The following RGS22 variants were observed in gnomAD, a reference collection of about 807,000 sequenced individuals.
RGS22 encodes the protein regulator of G protein signaling 22, also known as regulator of G-protein signaling 22.
Under a neutral mutation model 172.9 loss-of-function variants are expected in RGS22, and 148 were observed. That is an observed-to-expected ratio of 0.86 (90% CI 0.75 to 0.98). The LOEUF (loss-of-function observed/expected upper bound fraction) is 0.98, where lower values mean the gene tolerates loss of function less well. RGS22 is among the 50% of genes least tolerant of loss of function. The pLI is 0.00. For synonymous variants in RGS22, 458 were observed against 480.2 expected, an observed-to-expected ratio of 0.95 and a Z score of 0.60; for missense variants, 1,347 against 1,440.8, an observed-to-expected ratio of 0.93 and a Z score of 1.05.
At chr8:100,075,821 T>TA (rs1811305210) in intron 4 of RGS22, among the ~76,000 whole-genome samples, 1 of 152,248 alleles carries the variant, frequency 6.6e-6, no homozygotes, top group Admixed American at 6.5e-5. Context: ...AAAGTAGCTG[T>TA]ACTGTCTTAC....
rs116276937 is a variant in RGS22 at position 100,007,544 on chromosome 8, A to G, written c.2361+831T>C. Among the ~76,000 whole-genome samples, 490 of 152,266 alleles carry G rather than the reference A, an allele frequency of 3.2e-3. 1 individual carries two copies. The highest frequency in any genetic ancestry group is 0.011 in the African/African-American group (464 of 41,554). On this transcript the variant is annotated intron_variant, in intron 15 of 27. Coordinates refer to ENST00000360863, the MANE Select transcript of RGS22 (RefSeq NM_015668.5). Reference sequence around the variant, plus strand: ...TCAGAGGATCTGCTTTCCACAATACATATGAAACGTTTATGTTTTCCATAG... The same window carrying G: ...TCAGAGGATCTGCTTTCCACAATACGTATGAAACGTTTATGTTTTCCATAG...
At chr8:100,064,492 A>T (rs1357489745) in intron 7 of RGS22, among the ~76,000 whole-genome samples, 1 of 145,498 alleles carries the variant, frequency 6.9e-6, no homozygotes, top group Non-Finnish European at 1.5e-5. Context: ...ACAAAAAAGA[A>T]AAAAAAGAAG....
chr8:99,964,328 C>T (rs1810503617), intron 24 of RGS22, among the ~76,000 whole-genome samples: 1 of 151,970 alleles, frequency 6.6e-6, no homozygotes, highest in African/African-American at 2.4e-5. Context: ...GTGGTGTGCG[C>T]CTGTAGTCCC....
At chr8:100,033,056 G>A (rs1248537832) in intron 14 of RGS22, among the ~76,000 whole-genome samples, 1 of 152,134 alleles carries the variant, frequency 6.6e-6, no homozygotes, top group Non-Finnish European at 1.5e-5. Context: ...ATGCCCACAA[G>A]AGAAAGCAGG....
At chr8:100,072,729 A>G (rs1305702413) in intron 4 of RGS22, among the ~76,000 whole-genome samples, 2 of 152,190 alleles carry the variant, frequency 1.3e-5, no homozygotes, top group Non-Finnish European at 2.9e-5. Context: ...GTTAACAATG[A>G]TAGTAGAGTG....
intron 6 of RGS22, among the ~76,000 whole-genome samples, chr8:100,070,382 C>T (rs550752609): frequency 1.3e-4 from 20 of 151,948 alleles, no homozygotes; most frequent in African/African-American, 4.6e-4. Flanking sequence ...AAAAATATAA[C>T]GAAAAAGCCT....
At chr8:100,080,016 C>T (rs943551432) in intron 4 of RGS22, 118 bp downstream of exon 4, 38 of 709,274 alleles carry the variant, frequency 5.4e-5, no homozygotes, top group Non-Finnish European at 8.1e-5. Context: ...ACTATGTGTA[C>T]GTACAACACA....
intron 23 of RGS22, 91 bp downstream of exon 23, chr8:99,977,815 ATAACTTCTCTC>A: frequency 2.1e-6 from 2 of 966,900 alleles, no homozygotes; most frequent in Non-Finnish European, 3.0e-6. Flanking sequence ...TCTGTATTCC[ATAACTTCTCTC>A]TATATATCCC....
In RGS22 at chr8:100,058,530, C is replaced by T. The variant is rs987986300; in HGVS notation, c.1514+4061G>A. 7.2e-5 allele frequency among the ~76,000 whole-genome samples: 11 copies of T among 152,016 alleles called. No individual in the cohort carries two copies. The East Asian group carries it at 7.7e-4, about 11-fold the overall frequency. On this transcript the variant is annotated intron_variant, in intron 9 of 27. Coordinates refer to ENST00000360863, the MANE Select transcript of RGS22 (RefSeq NM_015668.5). ...TTTTCAACAGAAACATTATAGGCCA[C>T]GAGAGAGTGGCATGACATATTAAAA...
chr8:100,078,481 T>C (rs1280432736), intron 4 of RGS22, among the ~76,000 whole-genome samples: 1 of 151,406 alleles, frequency 6.6e-6, no homozygotes, highest in Non-Finnish European at 1.5e-5. Flanking sequence ...TATGGTTTGT[T>C]TAAAATCACT....
chr8:100,058,531 G>A (rs1166824643), intron 9 of RGS22, among the ~76,000 whole-genome samples: 4 of 152,244 alleles, frequency 2.6e-5, no homozygotes, highest in Admixed American at 6.5e-5. Context: ...TATAGGCCAC[G>A]AGAGAGTGGC....
chr8:99,996,473 C>T lies in RGS22; in HGVS notation c.3007G>A (p.Gly1003Arg), dbSNP rs181164225. Residue 1003 changes from glycine (G) to arginine (R), a missense_variant, in exon 20 of 28, where the codon GGG becomes AGG. Coordinates refer to ENST00000360863, the MANE Select transcript of RGS22 (RefSeq NM_015668.5). Reference sequence around the variant, plus strand: ...CAAACATTACTTGCCTTCCAGACCCCGATTTTCTTTTCAGCCTTCTGTAGT... The same window carrying T: ...CAAACATTACTTGCCTTCCAGACCCTGATTTTCTTTTCAGCCTTCTGTAGT... The part of the protein sequence containing the change: ...LLLQKAEKKI[G>R]VWKPVESKWI... The T allele has an allele frequency of 1.7e-3, 2,794 of 1,613,110 alleles. 9 individuals carry two copies. The highest frequency in any genetic ancestry group is 3.0e-3 in the Middle Eastern group (18 of 6,048).
At chr8:99,987,404 T>G in intron 21 of RGS22, 54 bp downstream of exon 21, 1 of 1,371,708 alleles carries the variant, frequency 7.3e-7, no homozygotes, top group Non-Finnish European at 9.9e-7. Context: ...ATCTGACATT[T>G]TAATGCATTT....
rs138273154 is a variant in RGS22 at position 100,041,463 on chromosome 8, C to T, written c.1938+339G>A. ...CAAGACCATGCCACGGCACTCCAGC[C>T]TGGGCAACAGAGCAAGACTCTATCT... On this transcript the variant is annotated intron_variant, in intron 12 of 27. Transcript: ENST00000360863. 3.6e-3 allele frequency among the ~76,000 whole-genome samples: 529 copies of T among 149,008 alleles called. 2 individuals carry two copies. The highest frequency in any genetic ancestry group is 0.012 in the African/African-American group (488 of 40,176).
At chr8:100,049,465 A>T (rs1464266777) in intron 10 of RGS22, among the ~76,000 whole-genome samples, 1 of 152,180 alleles carries the variant, frequency 6.6e-6, no homozygotes, top group African/African-American at 2.4e-5. Context: ...AAAACAACAG[A>T]TGAGAAGTCA....
intron 2 of RGS22, among the ~76,000 whole-genome samples, chr8:100,097,008 A>G (rs28373342): frequency 0.052 from 7,843 of 152,282 alleles, 662 homozygotes; most frequent in African/African-American, 0.18. Flanking sequence ...CTCAAGTGGG[A>G]AAAATGGCAT....
At chr8:100,071,990 A>T (rs1811017243) in intron 5 of RGS22, among the ~76,000 whole-genome samples, 155 bp downstream of exon 5, 1 of 152,262 alleles carries the variant, frequency 6.6e-6, no homozygotes, top group African/African-American at 2.4e-5. Flanking sequence ...TGAAGCCAGG[A>T]GTTCGAGACC....
Position 100,094,433 on chromosome 8 carries a change from A to T in RGS22, c.55-924T>A, listed in dbSNP as rs192291207. Among the ~76,000 whole-genome samples the T allele has an allele frequency of 2.7e-3, 415 of 152,324 alleles. 1 individual carries two copies. Among genetic ancestry groups the T allele is most frequent in the Non-Finnish European group, 4.7e-3 (320 of 68,026 alleles). On this transcript the variant is annotated intron_variant, in intron 2 of 27. Transcript: ENST00000360863. The stretch of plus-strand genomic sequence containing the variant: ...TGAAGTATATAGTGCTATCAGGAAG[A>T]CACTATAGCATATTGCACCTACTTT...
chr8:99,965,473 G>A (rs1271928250), intron 23 of RGS22, 43 bp from the exon 24 acceptor site: 13 of 1,351,502 alleles, frequency 9.6e-6, no homozygotes, highest in African/African-American at 1.5e-5. Context: ...AAAAGATAAT[G>A]ATATGTTAAT....
Sources: allele counts gnomAD v4.1 joint callset (sites outside exome capture counted in the v4.1 genomes callset), GRCh38; gene constraint gnomAD v4.1.1; transcripts MANE v1.5; gene names NCBI Gene and HGNC (gene_info 2026-07-23, HGNC 2026-07-21).